Variants in CSMD1 observed in about 807,000 individuals in gnomAD.
CSMD1 encodes CUB and sushi domain-containing protein 1.
Under a neutral mutation model 417.5 loss-of-function variants are expected in CSMD1, and 213 were observed. The observed-to-expected ratio is 0.51, with a 90% confidence interval of 0.46 to 0.57. CSMD1 has a LOEUF of 0.57. CSMD1 is among the 20% of genes least tolerant of loss of function. The pLI is 0.00. For synonymous variants in CSMD1, 2,862 were observed against 1,736.8 expected (o/e 1.65, Z -16.11); for missense variants, 6,923 against 4,529.7 (o/e 1.53, Z -15.17).
At chr8:3,602,285 A>G (rs779555152) in intron 8 of CSMD1, among the ~76,000 whole-genome samples, 3 of 152,072 alleles carry the variant, frequency 2.0e-5, no homozygotes, top group Non-Finnish European at 4.4e-5. Context: ...CCCCAGGAAA[A>G]CCAGATCACT....
At chr8:3,817,036 T>A (rs536618405) in intron 5 of CSMD1, among the ~76,000 whole-genome samples, 1 of 151,786 alleles carries the variant, frequency 6.6e-6, no homozygotes, top group African/African-American at 2.4e-5. Context: ...TTTTAGGAGA[T>A]GACAAGAGAG....
chr8:3,026,472 G>A (rs1428781421), intron 51 of CSMD1, among the ~76,000 whole-genome samples: 1 of 151,540 alleles, frequency 6.6e-6, no homozygotes, highest in Non-Finnish European at 1.5e-5. Flanking sequence ...GGACTTCACT[G>A]GACCTCACTG....
At chr8:4,705,051 G>T (rs1158316146) in intron 1 of CSMD1, among the ~76,000 whole-genome samples, 1 of 152,098 alleles carries the variant, frequency 6.6e-6, no homozygotes, top group Non-Finnish European at 1.5e-5. Flanking sequence ...CTGTTCTCAT[G>T]CTAGTGGGTG....
At chr8:4,372,719 G>T (rs1055679895) in intron 3 of CSMD1, among the ~76,000 whole-genome samples, 9 of 148,574 alleles carry the variant, frequency 6.1e-5, no homozygotes, top group Non-Finnish European at 1.2e-4. Flanking sequence ...AGTTCTCACT[G>T]TCCAAACCTA....
chr8:3,214,461 G>A (rs1486952886), intron 30 of CSMD1, 36 bp downstream of exon 30: 4 of 1,471,556 alleles, frequency 2.7e-6, no homozygotes, highest in Non-Finnish European at 3.6e-6. Flanking sequence ...TTAAAGGAAA[G>A]TTGTATTTCT....
intron 3 of CSMD1, among the ~76,000 whole-genome samples, chr8:4,346,392 C>T (rs1254356227): frequency 2.0e-5 from 3 of 152,114 alleles, no homozygotes; most frequent in Non-Finnish European, 2.9e-5. Flanking sequence ...ACCCCACAGC[C>T]GAGTTGAACA....
At chr8:3,389,945 G>C (rs1585092938) in intron 17 of CSMD1, among the ~76,000 whole-genome samples, 1 of 152,106 alleles carries the variant, frequency 6.6e-6, no homozygotes, top group East Asian at 1.9e-4. Context: ...TTTGAATGGA[G>C]AGTACAGGAC....
chr8:4,839,887 T>C (rs1041668618), intron 1 of CSMD1, among the ~76,000 whole-genome samples: 2 of 152,234 alleles, frequency 1.3e-5, no homozygotes, highest in Non-Finnish European at 2.9e-5. Flanking sequence ...CTAGCTATTC[T>C]GAGGAACAAC....
chr8:3,762,082 C>T (rs1312230799), intron 5 of CSMD1, among the ~76,000 whole-genome samples: 1 of 152,134 alleles, frequency 6.6e-6, no homozygotes, highest in African/African-American at 2.4e-5. Context: ...TTTCTAGTCT[C>T]CTGAGCCCTC....
At position 3,296,002 on chromosome 8, in the gene CSMD1, A is replaced by G. The variant is rs1477297208; in HGVS notation, c.3951-11656T>C. Among the ~76,000 whole-genome samples, 3 of 152,094 alleles carry G rather than the reference A, an allele frequency of 2.0e-5. No individual in the cohort carries two copies. The South Asian group carries it at 6.2e-4, about 32-fold the overall frequency. On this transcript the variant is annotated intron_variant, in intron 25 of 69. Coordinates refer to ENST00000635120, the MANE Select transcript of CSMD1 (RefSeq NM_033225.6). ...TGTACAGGGAAGAGATAGGCAAACC[A>G]CAGCATCCACAATAATACAGGGAAG...
chr8:4,721,411 G>A (rs151183929), intron 1 of CSMD1, among the ~76,000 whole-genome samples: 2 of 152,118 alleles, frequency 1.3e-5, no homozygotes, highest in Admixed American at 6.6e-5. Flanking sequence ...GAATGAATCT[G>A]ACTACTACAA....
chr8:4,676,098 G>A (rs945374924), intron 1 of CSMD1, among the ~76,000 whole-genome samples: 1 of 152,154 alleles, frequency 6.6e-6, no homozygotes, highest in Non-Finnish European at 1.5e-5. Flanking sequence ...CCATATTGCT[G>A]AGTGGTAATT....
chr8:3,951,346 G>T (rs2740862), intron 5 of CSMD1, among the ~76,000 whole-genome samples: 1 of 151,960 alleles, frequency 6.6e-6, no homozygotes, highest in East Asian at 1.9e-4. Flanking sequence ...TGTCCTGAAC[G>T]GAGCAGGAAT....
chr8:4,230,907 A>C (rs531563075), intron 3 of CSMD1, among the ~76,000 whole-genome samples: 1 of 152,114 alleles, frequency 6.6e-6, no homozygotes, highest in Non-Finnish European at 1.5e-5. Flanking sequence ...TCAATATTAT[A>C]TGCTGTGATT....
In CSMD1 at chr8:4,326,840, AG is replaced by A. The variant is rs535974871; in HGVS notation, c.415+93112del. Among the ~76,000 whole-genome samples the A allele has an allele frequency of 2.6e-5, 4 of 152,280 alleles. No individual in the cohort carries two copies. In the East Asian group the frequency reaches 5.8e-4, roughly 22 times the overall value. On this transcript the variant is annotated intron_variant, in intron 3 of 69. Coordinates refer to ENST00000635120, the MANE Select transcript of CSMD1 (RefSeq NM_033225.6). Reference sequence around the variant, plus strand: ...GCTTTGAGATTCTTCTGAAAAAAAAAGGTCACAGGTGAAGCTTTGGGAAAGA... The same window carrying A: ...GCTTTGAGATTCTTCTGAAAAAAAAAGTCACAGGTGAAGCTTTGGGAAAGA...
In CSMD1 at chr8:3,284,156, T is replaced by C; in HGVS notation, c.4141A>G (p.Ile1381Val). ...CTGTGCCACCTACTGGAGAACTGGA[T>C]GGAGAAGCCAGACTTGCTGATGAAG... ...DFFISKSGFSIQFSTSIAATC... is the reference protein window; with the variant it reads ...DFFISKSGFSVQFSTSIAATC... The change falls in exon 26 of 70, where the codon ATC (isoleucine) becomes GTC (valine). Residue 1381 changes from isoleucine to valine, a missense_variant. Transcript: ENST00000635120. 1.3e-6 allele frequency: 2 copies of C among 1,566,920 alleles called. No homozygotes were observed. The highest frequency in any genetic ancestry group is 1.7e-6 in the Non-Finnish European group (2 of 1,156,124).
chr8:3,752,570 C>G (rs1024233443), intron 6 of CSMD1, among the ~76,000 whole-genome samples: 1 of 148,020 alleles, frequency 6.8e-6, no homozygotes. Context: ...AGGAGAATCA[C>G]TTGAGCCCAG....
chr8:4,180,120 A>G (rs1205631698), intron 3 of CSMD1, among the ~76,000 whole-genome samples: 1 of 152,160 alleles, frequency 6.6e-6, no homozygotes, highest in Non-Finnish European at 1.5e-5. Flanking sequence ...ATGAAGACAC[A>G]TTCACACATA....
chr8:4,286,284 G>A (rs567808735), intron 3 of CSMD1, among the ~76,000 whole-genome samples: 1 of 152,126 alleles, frequency 6.6e-6, no homozygotes, highest in East Asian at 1.9e-4. Context: ...TCTACTTAGT[G>A]CTATCTGTCC....
Sources: allele counts gnomAD v4.1 joint callset (sites outside exome capture counted in the v4.1 genomes callset), GRCh38; gene constraint gnomAD v4.1.1; transcripts MANE v1.5; gene names NCBI Gene and HGNC (gene_info 2026-07-23, HGNC 2026-07-21).